Variants in GPC5 observed in about 807,000 individuals in gnomAD.
The protein encoded by GPC5 is glypican-5.
GPC5 carries 47 observed loss-of-function variants against 53.9 expected under a neutral mutation model. That is an observed-to-expected ratio of 0.87 (90% CI 0.69 to 1.11). The LOEUF is 1.11. Ranked by LOEUF, GPC5 falls within the 50% of genes most tolerant of loss-of-function variation. GPC5 has a pLI of 0.00. For synonymous variants in GPC5, 286 were observed against 263.3 expected (o/e 1.09, Z -0.84); for missense variants, 748 against 713.1 (o/e 1.05, Z -0.56).
intron 7 of GPC5, among the ~76,000 whole-genome samples, chr13:92,344,029 C>A (rs1343490494): frequency 1.3e-5 from 2 of 152,020 alleles, no homozygotes; most frequent in Non-Finnish European, 2.9e-5. Flanking sequence ...TGCTTCAAAC[C>A]TCAACATTTG....
chr13:91,578,051 G>A (rs1050200152), intron 2 of GPC5, among the ~76,000 whole-genome samples: 13 of 152,328 alleles, frequency 8.5e-5, no homozygotes, highest in Middle Eastern at 6.8e-3. Context: ...TGTCTCTGAG[G>A]AAAGCCAGCT....
At chr13:91,496,811 G>C (rs1361379719) in intron 2 of GPC5, among the ~76,000 whole-genome samples, 1 of 152,138 alleles carries the variant, frequency 6.6e-6, no homozygotes, top group Non-Finnish European at 1.5e-5. Flanking sequence ...ATGAATGCTT[G>C]AGGGGATGGA....
chr13:91,407,667 G>A (rs925640509), intron 1 of GPC5, among the ~76,000 whole-genome samples: 1 of 152,038 alleles, frequency 6.6e-6, no homozygotes, highest in Non-Finnish European at 1.5e-5. Flanking sequence ...ATCCCATGTC[G>A]GGAGTAAAGT....
intron 6 of GPC5, among the ~76,000 whole-genome samples, chr13:92,085,189 A>T (rs1196485044): frequency 6.6e-6 from 1 of 152,224 alleles, no homozygotes; most frequent in Non-Finnish European, 1.5e-5. Flanking sequence ...CCATAGCACG[A>T]GTCGATATGT....
intron 7 of GPC5, among the ~76,000 whole-genome samples, chr13:92,580,360 G>T (rs578195726): frequency 8.5e-5 from 13 of 152,226 alleles, no homozygotes; most frequent in African/African-American, 2.9e-4. Flanking sequence ...CCAATGAGTT[G>T]CACACTGAAG....
intron 6 of GPC5, among the ~76,000 whole-genome samples, chr13:92,022,685 T>C (rs927789170): frequency 2.6e-5 from 4 of 152,056 alleles, no homozygotes; most frequent in African/African-American, 2.4e-5. Context: ...CTACTACTTT[T>C]ACAACTAAAA....
At chr13:91,587,528 C>T (rs545623585) in intron 2 of GPC5, among the ~76,000 whole-genome samples, 2 of 152,214 alleles carry the variant, frequency 1.3e-5, no homozygotes, top group African/African-American at 4.8e-5. Flanking sequence ...GCCTCCCTAC[C>T]TCTTACTTCC....
intron 6 of GPC5, among the ~76,000 whole-genome samples, chr13:92,077,999 A>G (rs933475807): frequency 5.3e-5 from 8 of 151,896 alleles, no homozygotes; most frequent in Admixed American, 2.6e-4. Flanking sequence ...ACATACATAC[A>G]GGCATACGTA....
At chr13:92,089,762 C>T (rs1465346895) in intron 6 of GPC5, among the ~76,000 whole-genome samples, 5 of 151,918 alleles carry the variant, frequency 3.3e-5, no homozygotes, top group African/African-American at 1.2e-4. Context: ...AAGAATATTG[C>T]CTTAGAGATC....
At chr13:91,662,293 G>T (rs2035005776) in intron 2 of GPC5, among the ~76,000 whole-genome samples, 1 of 152,172 alleles carries the variant, frequency 6.6e-6, no homozygotes, top group Non-Finnish European at 1.5e-5. Flanking sequence ...GAGGGAATGA[G>T]AGACCGCCAA....
chr13:91,529,504 A>G (rs1177480009), intron 2 of GPC5, among the ~76,000 whole-genome samples: 1 of 152,200 alleles, frequency 6.6e-6, no homozygotes, highest in African/African-American at 2.4e-5. Context: ...TTTAAATTTG[A>G]AAAATAGAAT....
At chr13:92,490,435 G>A (rs2139446539) in intron 7 of GPC5, among the ~76,000 whole-genome samples, 1 of 152,080 alleles carries the variant, frequency 6.6e-6, no homozygotes, top group African/African-American at 2.4e-5. Context: ...AAAAATGATG[G>A]CTCTCTAATC....
At chr13:92,521,247 G>A (rs148857045) in intron 7 of GPC5, among the ~76,000 whole-genome samples, 62 of 152,264 alleles carry the variant, frequency 4.1e-4, no homozygotes, top group Middle Eastern at 6.8e-3. Flanking sequence ...AGCTACCAAT[G>A]AGTTTCTTCA....
intron 7 of GPC5, among the ~76,000 whole-genome samples, chr13:92,520,731 T>C (rs1007879834): frequency 2.0e-5 from 3 of 152,136 alleles, no homozygotes; most frequent in Admixed American, 2.0e-4. Flanking sequence ...AAGACAGGGA[T>C]GCCCTCTCTC....
chr13:91,707,586 A>G (rs748463052), intron 3 of GPC5, among the ~76,000 whole-genome samples: 1 of 152,116 alleles, frequency 6.6e-6, no homozygotes, highest in Non-Finnish European at 1.5e-5. Flanking sequence ...GCGCCACTGC[A>G]CTCCAGCTTG....
chr13:92,550,859 C>T (rs1263730781), intron 7 of GPC5, among the ~76,000 whole-genome samples: 1 of 151,610 alleles, frequency 6.6e-6, no homozygotes, highest in Non-Finnish European at 1.5e-5. Flanking sequence ...AAACATATGC[C>T]CATCTGTTTT....
chr13:92,568,372 A>T (rs1169300756), intron 7 of GPC5, among the ~76,000 whole-genome samples: 2 of 152,208 alleles, frequency 1.3e-5, no homozygotes, highest in East Asian at 3.9e-4. Context: ...AACTAAAAGA[A>T]AAATTTAACT....
At chr13:92,713,823 A>T (rs905390198) in intron 7 of GPC5, among the ~76,000 whole-genome samples, 2 of 152,178 alleles carry the variant, frequency 1.3e-5, no homozygotes, top group African/African-American at 4.8e-5. Flanking sequence ...AAATATTGAC[A>T]GAGAAAATGG....
rs994468845 is a variant in GPC5 at position 92,777,113 on chromosome 13, C to T, written c.1562-89169C>T. 1.5e-4 allele frequency among the ~76,000 whole-genome samples: 22 copies of T among 149,100 alleles called. 1 individual carries two copies. The highest frequency in any genetic ancestry group is 3.3e-4 in the Non-Finnish European group (22 of 67,632). On this transcript the variant is annotated intron_variant, in intron 7 of 7. Coordinates refer to ENST00000377067, the MANE Select transcript of GPC5 (RefSeq NM_004466.6). ...TTGGGAGGCCAAGGCGGGTAGATCA[C>T]GAGGTCAGGAGTTCCAGATCAGACC...
Sources: gnomAD v4.1 joint callset for allele counts (sites outside exome capture counted in the v4.1 genomes callset) on GRCh38, gnomAD v4.1.1 for gene constraint, MANE v1.5 for transcripts, NCBI Gene and HGNC (gene_info 2026-07-23, HGNC 2026-07-21) for gene names.